Variants in ABTB3 observed in about 807,000 individuals in gnomAD.
ABTB3 encodes ankyrin repeat and BTB domain containing 3, also known as ankyrin repeat- and BTB/POZ domain-containing protein 3.
At chr12:107,373,662 A>G in the ABTB3 span, among the ~76,000 whole-genome samples, 2 of 152,148 alleles carry the variant, frequency 1.3e-5, no homozygotes, top group Non-Finnish European at 2.9e-5. Flanking sequence ...CCTCTATCTT[A>G]TAGATAAAGC....
the ABTB3 span, among the ~76,000 whole-genome samples, chr12:107,560,002 T>A: frequency 2.0e-5 from 3 of 152,206 alleles, no homozygotes; most frequent in Non-Finnish European, 4.4e-5. Context: ...TATCTTTTTT[T>A]AATATAAATA....
At chr12:107,397,911 T>TACAA in the ABTB3 span, among the ~76,000 whole-genome samples, 8 of 152,242 alleles carry the variant, frequency 5.3e-5, no homozygotes, top group African/African-American at 1.9e-4. Context: ...TGTGCTGCGT[T>TACAA]GACATATGGT....
chr12:107,467,540 C>T, the ABTB3 span, among the ~76,000 whole-genome samples: 1 of 152,130 alleles, frequency 6.6e-6, no homozygotes, highest in African/African-American at 2.4e-5. Flanking sequence ...GAAGCCACTT[C>T]GAGACCCGCT....
At chr12:107,342,758 A>T in the ABTB3 span, among the ~76,000 whole-genome samples, 100 of 152,148 alleles carry the variant, frequency 6.6e-4, no homozygotes, top group African/African-American at 2.3e-3. Context: ...CCCACCTGGA[A>T]TGGCTCCTCT....
the ABTB3 span, among the ~76,000 whole-genome samples, chr12:107,585,672 G>A: frequency 1.3e-5 from 2 of 152,208 alleles, no homozygotes; most frequent in African/African-American, 2.4e-5. Flanking sequence ...AGGCTGACAG[G>A]TTTTGTTATT....
the ABTB3 span, among the ~76,000 whole-genome samples, chr12:107,587,464 T>C: frequency 9.2e-5 from 14 of 151,998 alleles, no homozygotes; most frequent in African/African-American, 3.4e-4. Context: ...TGGTGATGAA[T>C]GTCAGGAAGA....
chr12:107,472,897 G>A, the ABTB3 span, among the ~76,000 whole-genome samples: 1 of 152,186 alleles, frequency 6.6e-6, no homozygotes, highest in Non-Finnish European at 1.5e-5. Flanking sequence ...GATATCTAGA[G>A]TGTGACCTTG....
the ABTB3 span, among the ~76,000 whole-genome samples, chr12:107,371,931 G>A: frequency 1.3e-5 from 2 of 152,092 alleles, no homozygotes; most frequent in Non-Finnish European, 2.9e-5. Flanking sequence ...GATGAGAATC[G>A]GCATGTGAGA....
the ABTB3 span, among the ~76,000 whole-genome samples, chr12:107,353,056 G>T: frequency 6.6e-6 from 1 of 152,346 alleles, no homozygotes; most frequent in African/African-American, 2.4e-5. Context: ...TGATCCAACT[G>T]TAGGAGACCC....
the ABTB3 span, among the ~76,000 whole-genome samples, chr12:107,625,571 G>A: frequency 1.3e-5 from 2 of 152,164 alleles, no homozygotes; most frequent in South Asian, 2.1e-4. Context: ...TTGGGGGTAG[G>A]TGGGGGCAGG....
At chr12:107,467,237 G>A in the ABTB3 span, among the ~76,000 whole-genome samples, 22 of 152,176 alleles carry the variant, frequency 1.4e-4, 1 homozygote, top group South Asian at 4.4e-3. Context: ...ACCTAGCTGA[G>A]GTGGGCAAGT....
At chr12:107,617,866 G>A in the ABTB3 span, 2 of 443,722 alleles carry the variant, frequency 4.5e-6, no homozygotes, top group African/African-American at 2.0e-5. Flanking sequence ...ATTCACTTTG[G>A]AGAGAGGGCA....
chr12:107,580,316 G>A, the ABTB3 span, among the ~76,000 whole-genome samples: 1 of 152,342 alleles, frequency 6.6e-6, no homozygotes, highest in South Asian at 2.1e-4. Flanking sequence ...CTAATGTGAG[G>A]ACAGAGTTTA....
chr12:107,478,573 A>C, the ABTB3 span, among the ~76,000 whole-genome samples: 1 of 152,218 alleles, frequency 6.6e-6, no homozygotes, highest in Non-Finnish European at 1.5e-5. Context: ...CATAGTGGAC[A>C]ACTGCTGAAC....
chr12:107,446,075 C>A, the ABTB3 span, among the ~76,000 whole-genome samples: 1 of 152,100 alleles, frequency 6.6e-6, no homozygotes, highest in Non-Finnish European at 1.5e-5. Flanking sequence ...CATTCACAGG[C>A]TCTGGGAATT....
the ABTB3 span, among the ~76,000 whole-genome samples, chr12:107,338,850 C>G: frequency 0.66 from 100,947 of 152,058 alleles, 35,299 homozygotes; most frequent in African/African-American, 0.91. Flanking sequence ...GAGTCTCTCT[C>G]TATTGTCCAG....
the ABTB3 span, among the ~76,000 whole-genome samples, chr12:107,433,244 T>C: frequency 7.4e-6 from 1 of 135,064 alleles, no homozygotes; most frequent in South Asian, 2.3e-4. Context: ...GAGCCGAGAT[T>C]GCGCCACTGC....
At chr12:107,636,877 C>T in the ABTB3 span, among the ~76,000 whole-genome samples, 5 of 152,164 alleles carry the variant, frequency 3.3e-5, no homozygotes, top group East Asian at 3.9e-4. Flanking sequence ...TTTGCAAGGT[C>T]GGTTTCAATG....
At chr12:107,358,450 C>T in the ABTB3 span, among the ~76,000 whole-genome samples, 3 of 152,066 alleles carry the variant, frequency 2.0e-5, no homozygotes, top group Admixed American at 1.3e-4. Context: ...GAGTGCATTG[C>T]GGAGGGGAAA....
Sources: gnomAD v4.1 joint callset for allele counts (sites outside exome capture counted in the v4.1 genomes callset) on GRCh38, gnomAD v4.1.1 for gene constraint, MANE v1.5 for transcripts, NCBI Gene and HGNC (gene_info 2026-07-23, HGNC 2026-07-21) for gene names.